DSCAM: variants seen among roughly 807,000 people sequenced by gnomAD.
The protein encoded by DSCAM is DS cell adhesion molecule, also known as cell adhesion molecule DSCAM.
Under a neutral mutation model 217.7 loss-of-function variants are expected in DSCAM, and 47 were observed. That is an observed-to-expected ratio of 0.22 (90% CI 0.17 to 0.28). DSCAM has a LOEUF of 0.28. Among genes scored for constraint, DSCAM ranks in the 10% least tolerant of loss-of-function variants. The probability of loss-of-function intolerance (pLI) is 1.00; values close to 1 mark genes in which losing one functional copy is unlikely to be tolerated. For missense variants in DSCAM, 2,080 were observed against 2,618.3 expected (o/e 0.79, Z 4.49); for synonymous variants, 1,056 against 1,015.3 (o/e 1.04, Z -0.76).
chr21:40,628,350 C>A (rs548419096), intron 3 of DSCAM, among the ~76,000 whole-genome samples: 1 of 152,334 alleles, frequency 6.6e-6, no homozygotes, highest in Admixed American at 6.5e-5. Flanking sequence ...CAAGCCTCAA[C>A]TGCACTTCTA....
chr21:40,727,324 A>G (rs2090965986), intron 1 of DSCAM, among the ~76,000 whole-genome samples: 1 of 152,186 alleles, frequency 6.6e-6, no homozygotes, highest in African/African-American at 2.4e-5. Context: ...AGTATTCTTA[A>G]AACTTCAAGA....
chr21:40,299,250 C>G (rs116256682), intron 9 of DSCAM, among the ~76,000 whole-genome samples: 1,664 of 152,290 alleles, frequency 0.011, 24 homozygotes, highest in African/African-American at 0.037. Context: ...CTATATTTTA[C>G]TAAGTGCATG....
chr21:40,661,651 T>C (rs1222702240), intron 3 of DSCAM, among the ~76,000 whole-genome samples: 3 of 152,214 alleles, frequency 2.0e-5, no homozygotes, highest in African/African-American at 4.8e-5. Context: ...GGAGTTTAGA[T>C]TGATAAAATC....
At chr21:40,358,506 T>C (rs2074720605) in intron 4 of DSCAM, among the ~76,000 whole-genome samples, 1 of 152,080 alleles carries the variant, frequency 6.6e-6, no homozygotes, top group African/African-American at 2.4e-5. Context: ...CATAATAAAC[T>C]TCTTCAAAAT....
At chr21:40,214,023 T>A (rs572600161) in intron 11 of DSCAM, among the ~76,000 whole-genome samples, 1 of 152,204 alleles carries the variant, frequency 6.6e-6, no homozygotes, top group Non-Finnish European at 1.5e-5. Context: ...ATTGCCCCCA[T>A]AGAGCTTCCT....
At chr21:40,645,818 T>C (rs1325603919) in intron 3 of DSCAM, among the ~76,000 whole-genome samples, 1 of 152,168 alleles carries the variant, frequency 6.6e-6, no homozygotes, top group African/African-American at 2.4e-5. Context: ...AATGGAAAAA[T>C]TGAGCAAAAA....
At chr21:40,242,713 T>G (rs1483020626) in intron 11 of DSCAM, among the ~76,000 whole-genome samples, 1 of 152,220 alleles carries the variant, frequency 6.6e-6, no homozygotes, top group Non-Finnish European at 1.5e-5. Context: ...ATGGTGCTTG[T>G]TTTGTCAGTC....
At chr21:40,580,063 C>A (rs1465140788) in intron 3 of DSCAM, among the ~76,000 whole-genome samples, 1 of 151,652 alleles carries the variant, frequency 6.6e-6, no homozygotes, top group Non-Finnish European at 1.5e-5. Context: ...TTGGAGAATC[C>A]AACTTTACCA....
intron 10 of DSCAM, among the ~76,000 whole-genome samples, chr21:40,284,000 A>G (rs2073795789): frequency 6.6e-6 from 1 of 151,030 alleles, no homozygotes; most frequent in Non-Finnish European, 1.5e-5. Flanking sequence ...AATCCCTTTC[A>G]TCCTTATGGA....
At chr21:40,082,005 C>T (rs1357581143) in intron 24 of DSCAM, among the ~76,000 whole-genome samples, 2 of 152,138 alleles carry the variant, frequency 1.3e-5, no homozygotes, top group Non-Finnish European at 2.9e-5. Flanking sequence ...CCTAGGTGCC[C>T]CCTATTTTTT....
Position 40,012,927 on chromosome 21 carries a change from T to G in DSCAM, c.*107A>C. 1.3e-6 allele frequency: 1 copy of G among 797,010 alleles called. No homozygotes were observed. Among genetic ancestry groups the G allele is most frequent in the Non-Finnish European group, 1.7e-6 (1 of 572,116 alleles). 49.4% of individuals were successfully genotyped at this position (797,010 alleles called of 1,614,324 possible). ...TTTCTCTTTTTTTTTTTTAATATAT[T>G]TTGGCAATTTTCTTTAATTATAAAT... On this transcript the variant is annotated 3_prime_UTR_variant, in exon 33 of 33. Coordinates refer to ENST00000400454, the MANE Select transcript of DSCAM (RefSeq NM_001389.5).
chr21:40,020,204 A>C (rs9975444), intron 32 of DSCAM, among the ~76,000 whole-genome samples: 50,179 of 151,606 alleles, frequency 0.33, 9,022 homozygotes, highest in Middle Eastern at 0.46. Context: ...CTTGGCTCTC[A>C]TTTTTCTCTT....
At chr21:40,530,822 C>A (rs2076438136) in intron 3 of DSCAM, among the ~76,000 whole-genome samples, 1 of 152,054 alleles carries the variant, frequency 6.6e-6, no homozygotes, top group Admixed American at 6.6e-5. Flanking sequence ...CTGTCCACAT[C>A]CGTGGTGTCC....
At chr21:40,181,315 C>T (rs540740459) in intron 14 of DSCAM, among the ~76,000 whole-genome samples, 1 of 152,144 alleles carries the variant, frequency 6.6e-6, no homozygotes, top group Admixed American at 6.5e-5. Flanking sequence ...TCTGTGGGCA[C>T]ATTGGAAACA....
intron 11 of DSCAM, among the ~76,000 whole-genome samples, chr21:40,268,668 A>G (rs1197613923): frequency 6.6e-6 from 1 of 152,130 alleles, no homozygotes; most frequent in Non-Finnish European, 1.5e-5. Context: ...TAATTTTTCG[A>G]AAGGCTGTGG....
At chr21:40,338,579 A>T (rs2074453578) in intron 7 of DSCAM, among the ~76,000 whole-genome samples, 1 of 152,236 alleles carries the variant, frequency 6.6e-6, no homozygotes, top group South Asian at 2.1e-4. Flanking sequence ...TATAACTGTG[A>T]AACACTTTAT....
At chr21:40,193,141 C>T (rs1156262688) in intron 11 of DSCAM, among the ~76,000 whole-genome samples, 2 of 152,128 alleles carry the variant, frequency 1.3e-5, no homozygotes, top group Admixed American at 6.5e-5. Flanking sequence ...TTGAGTTCAA[C>T]AATTTAAGTT....
At chr21:40,124,098 G>A in intron 20 of DSCAM, 97 bp downstream of exon 20, 1 of 1,538,292 alleles carries the variant, frequency 6.5e-7, no homozygotes, top group South Asian at 1.2e-5. Context: ...AAAGACCCAG[G>A]TAGGTGGGAA....
intron 6 of DSCAM, among the ~76,000 whole-genome samples, chr21:40,342,626 G>GTGTGTATATATATATATATATATATATA (rs1491362590): frequency 1.2e-4 from 11 of 94,704 alleles, no homozygotes; most frequent in African/African-American, 3.5e-4. Flanking sequence ...GTGTGTGTGT[G>GTGTGTATATATATATATATATATATATA]TATATATATA....
Sources: gnomAD v4.1 joint callset for allele counts (sites outside exome capture counted in the v4.1 genomes callset) on GRCh38, gnomAD v4.1.1 for gene constraint, MANE v1.5 for transcripts, NCBI Gene and HGNC (gene_info 2026-07-23, HGNC 2026-07-21) for gene names.